SNX29: variants seen among roughly 807,000 people sequenced by gnomAD.
SNX29 encodes the protein sorting nexin 29.
Under a neutral mutation model 102.1 loss-of-function variants are expected in SNX29, and 78 were observed. The ratio of observed to expected loss-of-function variants is 0.76; its 90% CI spans 0.64 to 0.92. The LOEUF (loss-of-function observed/expected upper bound fraction) is 0.92. Among genes scored for constraint, SNX29 ranks in the 40% least tolerant of loss-of-function variants. The probability of loss-of-function intolerance (pLI) is 0.00; values close to 1 mark genes in which losing one functional copy is unlikely to be tolerated. For synonymous variants in SNX29, 580 were observed against 414.5 expected (o/e 1.40, Z -4.85); for missense variants, 1,280 against 1,061.7 (o/e 1.21, Z -2.86).
intron 15 of SNX29, among the ~76,000 whole-genome samples, chr16:12,340,264 G>C (rs946012996): frequency 2.6e-5 from 4 of 152,176 alleles, no homozygotes; most frequent in African/African-American, 9.7e-5. Context: ...CTCAGATGCA[G>C]AATCTGGTCT....
chr16:12,131,825 T>C (rs542310463), intron 13 of SNX29, among the ~76,000 whole-genome samples: 2 of 152,380 alleles, frequency 1.3e-5, no homozygotes, highest in South Asian at 4.1e-4. Context: ...TTATTGAATG[T>C]TGGCGCTATG....
chr16:12,428,631 AAT>A (rs2085182345), intron 18 of SNX29, among the ~76,000 whole-genome samples: 1 of 152,080 alleles, frequency 6.6e-6, no homozygotes, highest in East Asian at 1.9e-4. Flanking sequence ...TCTCCTAGTT[AAT>A]CCCAATACAT....
At position 12,137,418 on chromosome 16, in the gene SNX29, T is replaced by G. The variant is rs1597016988; in HGVS notation, c.1595+7660T>G. The stretch of plus-strand genomic sequence containing the variant: ...CTTCAGCTCCTCCTGGTGTTATTTT[T>G]CCAGCCCTGCCTGCCCAGTGTGTGT... On this transcript the variant is annotated intron_variant, in intron 13 of 20. Transcript: ENST00000566228. Among the ~76,000 whole-genome samples, 3 of 152,186 alleles carry G rather than the reference T, an allele frequency of 2.0e-5. No homozygotes were observed. The East Asian group carries it at 5.8e-4, about 29-fold the overall frequency.
intron 15 of SNX29, among the ~76,000 whole-genome samples, chr16:12,283,844 G>A (rs889739744): frequency 6.6e-6 from 1 of 152,210 alleles, no homozygotes; most frequent in African/African-American, 2.4e-5. Context: ...TTTGACGGCA[G>A]TTCTGCAGAG....
chr16:12,396,466 C>T (rs1350724977), intron 16 of SNX29, among the ~76,000 whole-genome samples: 1 of 152,118 alleles, frequency 6.6e-6, no homozygotes, highest in African/African-American at 2.4e-5. Context: ...GCTTGTGAGT[C>T]CCCCTCTGGT....
rs186669666 is a variant in SNX29 at position 12,424,768 on chromosome 16, C to T, written c.2037+21239C>T. Among the ~76,000 whole-genome samples the T allele has an allele frequency of 1.7e-3, 264 of 152,300 alleles. 1 individual carries two copies. Among genetic ancestry groups the T allele is most frequent in the African/African-American group, 6.3e-3 (261 of 41,564 alleles). On this transcript the variant is annotated intron_variant, in intron 18 of 20. Coordinates refer to ENST00000566228, the MANE Select transcript of SNX29 (RefSeq NM_032167.5). ...ATCTTCTCCTCCGTCTCTCCCCTCTCTATACCTTCCTTCCCTCAGTTATTA... is the reference window on the plus strand; with the variant it reads ...ATCTTCTCCTCCGTCTCTCCCCTCTTTATACCTTCCTTCCCTCAGTTATTA...
At chr16:12,450,571 C>G (rs1179162036) in intron 18 of SNX29, among the ~76,000 whole-genome samples, 2 of 152,196 alleles carry the variant, frequency 1.3e-5, no homozygotes, top group Non-Finnish European at 2.9e-5. Context: ...ATCATAGGCT[C>G]TGTCCAGCAC....
chr16:12,542,903 A>G (rs1198441496), intron 20 of SNX29, among the ~76,000 whole-genome samples: 2 of 152,166 alleles, frequency 1.3e-5, no homozygotes, highest in Non-Finnish European at 2.9e-5. Flanking sequence ...TGATTTGAGT[A>G]GGGAATCTTT....
At chr16:12,243,667 T>TCTTCTAA (rs1191084078) in intron 14 of SNX29, among the ~76,000 whole-genome samples, 1 of 152,164 alleles carries the variant, frequency 6.6e-6, no homozygotes, top group Non-Finnish European at 1.5e-5. Flanking sequence ...TGAATAGTTG[T>TCTTCTAA]ATGATTGGGC....
intron 11 of SNX29, among the ~76,000 whole-genome samples, chr16:12,124,423 A>G (rs113083665): frequency 0.013 from 1,915 of 151,822 alleles, 24 homozygotes; most frequent in South Asian, 0.082. Context: ...TTAAAGTTCC[A>G]CAAACAATGG....
At position 12,574,083 on chromosome 16, in the gene SNX29, G is replaced by A. The variant is rs1343810438; in HGVS notation, c.*5454G>A. ...GTCTAGAAGTCTGTGGAAACGCCCT[G>A]AAACCTGTAGTATTATCTTAACTAC... On this transcript the variant is annotated 3_prime_UTR_variant, in exon 21 of 21. Coordinates refer to ENST00000566228, the MANE Select transcript of SNX29 (RefSeq NM_032167.5). 7 of 190,662 alleles carry A rather than the reference G, an allele frequency of 3.7e-5. No homozygotes were observed. In the East Asian group the frequency reaches 5.0e-4, roughly 14 times the overall value. The allele number at this position is 190,662 out of a possible 1,614,324, so 11.8% of individuals were successfully genotyped here.
chr16:12,558,553 C>T (rs759508965), intron 20 of SNX29, among the ~76,000 whole-genome samples: 1 of 152,242 alleles, frequency 6.6e-6, no homozygotes, highest in African/African-American at 2.4e-5. Flanking sequence ...TGCCATGCCT[C>T]TCAGTACCCC....
intron 16 of SNX29, among the ~76,000 whole-genome samples, chr16:12,359,578 A>G (rs2151322958): frequency 1.3e-5 from 2 of 152,290 alleles, no homozygotes; most frequent in South Asian, 4.1e-4. Context: ...CATTCACTTT[A>G]AAAGTAGAAA....
intron 1 of SNX29, among the ~76,000 whole-genome samples, chr16:11,978,789 G>C (rs1481181849): frequency 6.6e-6 from 1 of 152,042 alleles, no homozygotes; most frequent in Non-Finnish European, 1.5e-5. Context: ...GAAAACTCTG[G>C]TGGCACGCGC....
At chr16:12,273,826 G>C (rs1336150006) in intron 14 of SNX29, among the ~76,000 whole-genome samples, 1 of 152,180 alleles carries the variant, frequency 6.6e-6, no homozygotes, top group Admixed American at 6.5e-5. Context: ...CGTGTACGTG[G>C]GCTCAGGTAA....
At chr16:12,240,468 T>G (rs978961610) in intron 14 of SNX29, among the ~76,000 whole-genome samples, 1 of 152,186 alleles carries the variant, frequency 6.6e-6, no homozygotes. Context: ...TGCTGTCAGT[T>G]TTTTAGTATT....
chr16:12,052,288 C>G (rs1297179492), intron 8 of SNX29, 66 bp downstream of exon 8: 1 of 1,564,070 alleles, frequency 6.4e-7, no homozygotes, highest in African/African-American at 1.4e-5. Context: ...GTGATCTCAG[C>G]TCACTGCAAC....
At chr16:12,030,670 C>T (rs372091040) in intron 4 of SNX29, among the ~76,000 whole-genome samples, 4 of 152,154 alleles carry the variant, frequency 2.6e-5, no homozygotes, top group Admixed American at 6.6e-5. Context: ...CTTTAATGAC[C>T]ATCCCACTCC....
At chr16:12,138,212 T>TC (rs1237238721) in intron 13 of SNX29, among the ~76,000 whole-genome samples, 2 of 149,956 alleles carry the variant, frequency 1.3e-5, no homozygotes, top group Admixed American at 6.6e-5. Flanking sequence ...CACTCTTTTT[T>TC]TTTTTTTTTT....
Sources: gnomAD v4.1 joint callset for allele counts (sites outside exome capture counted in the v4.1 genomes callset) on GRCh38, gnomAD v4.1.1 for gene constraint, MANE v1.5 for transcripts, NCBI Gene and HGNC (gene_info 2026-07-23, HGNC 2026-07-21) for gene names.